RBFOX1: variants seen among roughly 807,000 people sequenced by gnomAD.
The protein encoded by RBFOX1 is RNA binding fox-1 homolog 1.
Under a neutral mutation model 57.7 loss-of-function variants are expected in RBFOX1, and 8 were observed. The observed-to-expected ratio is 0.14, with a 90% CI of 0.08 to 0.25. The LOEUF is 0.25. RBFOX1 is among the 10% of genes least tolerant of loss of function. The pLI, the probability that RBFOX1 is intolerant of heterozygous loss-of-function variation, is 1.00. For missense variants in RBFOX1, 611 were observed against 548.5 expected, an observed-to-expected ratio of 1.11 and a Z score of -1.14; for synonymous variants, 326 against 222.4, an observed-to-expected ratio of 1.47 and a Z score of -4.15.
At chr16:7,060,679 C>G (rs949022344) in intron 4 of RBFOX1, among the ~76,000 whole-genome samples, 1 of 152,132 alleles carries the variant, frequency 6.6e-6, no homozygotes, top group Admixed American at 6.6e-5. Context: ...TTTATTGGAT[C>G]CCCCAGCAAG....
chr16:6,576,229 T>C (rs2097433686), intron 2 of RBFOX1, among the ~76,000 whole-genome samples: 1 of 152,150 alleles, frequency 6.6e-6, no homozygotes, highest in African/African-American at 2.4e-5. Flanking sequence ...TGTCGTAGCA[T>C]CTCAGGGCAC....
At chr16:6,135,785 CTTTTTTTT>C (rs35563303) in intron 1 of RBFOX1, among the ~76,000 whole-genome samples, 15 of 85,024 alleles carry the variant, frequency 1.8e-4, no homozygotes, top group Admixed American at 1.1e-3. Flanking sequence ...CTCGTTTCGA[CTTTTTTTT>C]TTTTTTTTTT....
intron 3 of RBFOX1, among the ~76,000 whole-genome samples, chr16:5,730,288 G>C (rs564378354): frequency 6.6e-6 from 1 of 152,196 alleles, no homozygotes; most frequent in South Asian, 2.1e-4. Context: ...GGGATTTAGT[G>C]CCACAGAGCA....
At chr16:6,238,706 G>A (rs1390308684) in intron 1 of RBFOX1, among the ~76,000 whole-genome samples, 1 of 152,012 alleles carries the variant, frequency 6.6e-6, no homozygotes, top group African/African-American at 2.4e-5. Flanking sequence ...GGTTTTTATT[G>A]TTTGCAATGT....
chr16:5,288,197 G>T (rs1162762344), intron 1 of RBFOX1, among the ~76,000 whole-genome samples: 1 of 152,210 alleles, frequency 6.6e-6, no homozygotes, highest in Admixed American at 6.5e-5. Flanking sequence ...AAGCAAATCA[G>T]TTGTAGATTT....
intron 2 of RBFOX1, among the ~76,000 whole-genome samples, chr16:6,512,391 C>A (rs1558347): frequency 0.12 from 18,447 of 151,346 alleles, 1,955 homozygotes; most frequent in East Asian, 0.42. Flanking sequence ...GCTCAAAATT[C>A]AAGCCTCGGG....
intron 4 of RBFOX1, among the ~76,000 whole-genome samples, chr16:7,504,745 A>ATT (rs2072416197): frequency 1.7e-4 from 2 of 12,068 alleles, no homozygotes; most frequent in African/African-American, 2.1e-4. Context: ...ATATATATAT[A>ATT]TATATATATT....
rs140179141 is a variant in RBFOX1, at chr16:7,372,795, A to C, written c.28-145352A>C. Among the ~76,000 whole-genome samples, 991 of 152,178 alleles carry C rather than the reference A, an allele frequency of 6.5e-3. 42 individuals are homozygous for C. In the East Asian group the frequency reaches 0.067, roughly 10 times the overall value. On this transcript the variant is annotated intron_variant, in intron 4 of 15. Transcript: ENST00000550418. ...AGGGAGAAAGGGAGGGAGGAAGAGA[A>C]GGAGGAAAAGAGAAGAGCAGGAGAC...
chr16:5,927,283 A>G (rs1012853660), intron 4 of RBFOX1, among the ~76,000 whole-genome samples: 1 of 152,234 alleles, frequency 6.6e-6, no homozygotes, highest in African/African-American at 2.4e-5. Flanking sequence ...GAAGTTAAAT[A>G]TATATGTGTG....
intron 3 of RBFOX1, among the ~76,000 whole-genome samples, chr16:6,810,814 C>T (rs1011248118): frequency 6.6e-6 from 1 of 152,122 alleles, no homozygotes; most frequent in African/African-American, 2.4e-5. Context: ...CACTCACTAT[C>T]AGGAGAACAG....
At chr16:6,365,527 C>G (rs565238560) in intron 2 of RBFOX1, among the ~76,000 whole-genome samples, 1 of 152,250 alleles carries the variant, frequency 6.6e-6, no homozygotes, top group East Asian at 1.9e-4. Flanking sequence ...CATTTAAATT[C>G]TTAATAGGTA....
At chr16:5,291,787 G>A (rs945040905) in intron 1 of RBFOX1, among the ~76,000 whole-genome samples, 18 of 152,130 alleles carry the variant, frequency 1.2e-4, no homozygotes, top group African/African-American at 3.9e-4. Context: ...AGCAGTGAAC[G>A]GATCTGAGAA....
intron 4 of RBFOX1, among the ~76,000 whole-genome samples, chr16:7,314,773 C>G (rs1310058134): frequency 2.0e-5 from 3 of 152,138 alleles, no homozygotes; most frequent in Non-Finnish European, 2.9e-5. Context: ...AGCCGAATCA[C>G]CATTTGTTCA....
intron 3 of RBFOX1, among the ~76,000 whole-genome samples, chr16:6,937,725 C>G (rs1348985247): frequency 2.0e-5 from 3 of 152,022 alleles, no homozygotes; most frequent in Non-Finnish European, 4.4e-5. Flanking sequence ...AAAAGAATGT[C>G]TGGGTTAGGA....
intron 4 of RBFOX1, among the ~76,000 whole-genome samples, chr16:7,429,939 G>T (rs988756376): frequency 6.6e-6 from 1 of 152,172 alleles, no homozygotes; most frequent in East Asian, 1.9e-4. Context: ...TGTGGGACTT[G>T]TGACAGTGTT....
At position 6,367,649 on chromosome 16, in the gene RBFOX1, T is replaced by C. The variant is rs995189418; in HGVS notation, c.-64+50592T>C. On this transcript the variant is annotated intron_variant, in intron 2 of 15. Coordinates refer to ENST00000550418, the MANE Select transcript of RBFOX1 (RefSeq NM_018723.4). ...TGTAAATAAAAATACCATGAGAACATGGGAGAGGGAGCTGGGGTGTTTTGC... is the reference window on the plus strand; with the variant it reads ...TGTAAATAAAAATACCATGAGAACACGGGAGAGGGAGCTGGGGTGTTTTGC... Among the ~76,000 whole-genome samples the C allele has an allele frequency of 4.0e-5, 6 of 151,716 alleles. No homozygotes were observed. The South Asian group carries it at 1.2e-3, about 32-fold the overall frequency.
At chr16:6,989,600 T>G (rs2091058133) in intron 3 of RBFOX1, among the ~76,000 whole-genome samples, 1 of 152,064 alleles carries the variant, frequency 6.6e-6, no homozygotes, top group Non-Finnish European at 1.5e-5. Context: ...ATGCAACCAT[T>G]TAAGAGTGGG....
At chr16:5,513,166 C>T (rs1380046260) in intron 2 of RBFOX1, among the ~76,000 whole-genome samples, 5 of 152,192 alleles carry the variant, frequency 3.3e-5, no homozygotes, top group African/African-American at 1.2e-4. Flanking sequence ...CTGGACTCAG[C>T]TTCCCAAAGT....
At chr16:7,698,847 C>G (rs1032808616) in intron 14 of RBFOX1, among the ~76,000 whole-genome samples, 1 of 152,172 alleles carries the variant, frequency 6.6e-6, no homozygotes. Context: ...TAGTCTCAGG[C>G]TTGCTGCATG....
Sources: gnomAD v4.1 joint callset for allele counts (sites outside exome capture counted in the v4.1 genomes callset) on GRCh38, gnomAD v4.1.1 for gene constraint, MANE v1.5 for transcripts, NCBI Gene and HGNC (gene_info 2026-07-23, HGNC 2026-07-21) for gene names.